The following CFAP54 variants were observed in gnomAD, a reference collection of about 807,000 sequenced individuals.
The protein encoded by CFAP54 is cilia and flagella associated protein 54.
CFAP54 carries 290 observed loss-of-function variants against 370.4 expected under a neutral mutation model. That is an observed-to-expected ratio of 0.78 (90% CI 0.71 to 0.86). The LOEUF (loss-of-function observed/expected upper bound fraction) is 0.86. Ranked by LOEUF, CFAP54 falls within the 40% of genes least tolerant of loss-of-function variation. CFAP54 has a pLI of 0.00. For synonymous variants in CFAP54, 1,206 were observed against 1,236.5 expected (o/e 0.98, Z 0.52); for missense variants, 3,399 against 3,528.7 (o/e 0.96, Z 0.93).
In CFAP54 at chr12:96,765,170, G is replaced by T; in HGVS notation, c.8233G>T (p.Glu2745Ter). 6.5e-7 allele frequency: 1 copy of T among 1,542,240 alleles called. No individual in the cohort carries two copies. Among genetic ancestry groups the T allele is most frequent in the Non-Finnish European group, 8.8e-7 (1 of 1,131,578 alleles). ...VNQVALPNIPEFAALDLLSSY... is the reference protein window; with the variant it reads ...VNQVALPNIP ...CCAAGTGGCATTACCAAATATCCCA[G>T]AATTTGCTGCTCTGGATCTTTTGTC... Residue 2745 changes from glutamate to a stop codon, truncating the protein, a stop_gained, in exon 60 of 68, where the codon GAA becomes TAA. Coordinates refer to ENST00000524981, the MANE Select transcript of CFAP54 (RefSeq NM_001306084.2). LOFTEE classifies it high-confidence loss of function.
rs896533030 is a variant in CFAP54, at chr12:96,764,333, G to A, written c.8139+84G>A. 13 of 1,044,012 alleles carry A rather than the reference G, an allele frequency of 1.2e-5. No individual in the cohort carries two copies. In the South Asian group the frequency reaches 2.2e-4, roughly 18 times the overall value. 64.7% of individuals were successfully genotyped at this position (1,044,012 alleles called of 1,614,324 possible). On this transcript the variant is annotated intron_variant, in intron 59 of 67. Transcript: ENST00000524981. The stretch of plus-strand genomic sequence containing the variant: ...TAAAGAACACAATATACCTGTAAAA[G>A]AGAAAGGAGTTGGGTGTGATACCTC...
At position 96,563,723 on chromosome 12, in the gene CFAP54, A is replaced by G. The variant is rs141347966; in HGVS notation, c.2411-745A>G. Reference sequence around the variant, plus strand: ...TTAGCACAAATAATTAAAACTCAGTAAAAGGGGTTTATTGTAAGGTTACTA... The same window carrying G: ...TTAGCACAAATAATTAAAACTCAGTGAAAGGGGTTTATTGTAAGGTTACTA... On this transcript the variant is annotated intron_variant, in intron 17 of 67. Transcript: ENST00000524981. 6.2e-4 allele frequency among the ~76,000 whole-genome samples: 94 copies of G among 152,328 alleles called. 2 individuals carry two copies. The highest frequency in any genetic ancestry group is 1.8e-3 in the African/African-American group (76 of 41,584).
At chr12:96,566,913 G>A (rs1042098509) in intron 19 of CFAP54, among the ~76,000 whole-genome samples, 3 of 152,032 alleles carry the variant, frequency 2.0e-5, no homozygotes, top group African/African-American at 4.8e-5. Context: ...CTGCCTTTGT[G>A]GTCCCTGGAT....
chr12:96,596,943 A>G (rs1715891663), intron 25 of CFAP54, among the ~76,000 whole-genome samples: 1 of 152,136 alleles, frequency 6.6e-6, no homozygotes, highest in Non-Finnish European at 1.5e-5. Context: ...ATACTCATAG[A>G]AATTCACATT....
intron 60 of CFAP54, 89 bp from the exon 61 acceptor site, chr12:96,784,628 A>G (rs1958611808): frequency 3.0e-6 from 3 of 997,108 alleles, no homozygotes; most frequent in Non-Finnish European, 4.2e-6. Flanking sequence ...CATTTCCTTT[A>G]TGAGCTGTGC....
At chr12:96,539,674 CA>C (rs572121392) in intron 13 of CFAP54, among the ~76,000 whole-genome samples, 4 of 150,770 alleles carry the variant, frequency 2.7e-5, no homozygotes, top group African/African-American at 9.8e-5. Context: ...AACTCTGTCT[CA>C]AAAAAAATAA....
rs1243429702 is a variant in CFAP54 at position 96,500,745 on chromosome 12, C to T, written c.318-89C>T. 5 of 794,530 alleles carry T rather than the reference C, an allele frequency of 6.3e-6. No homozygotes were observed. The East Asian group carries it at 1.1e-4, about 17-fold the overall frequency. 49.2% of individuals were successfully genotyped at this position (794,530 alleles called of 1,614,324 possible). ...ATAAGGCACATTGGAAAGGCTTTAG[C>T]ATAAGGTAAGTTTTAAAGGATTGCT... On this transcript the variant is annotated intron_variant, in intron 1 of 67. Transcript: ENST00000524981.
At chr12:96,863,854 T>C (rs1959940364) in intron 67 of CFAP54, among the ~76,000 whole-genome samples, 1 of 152,194 alleles carries the variant, frequency 6.6e-6, no homozygotes, top group East Asian at 1.9e-4. Context: ...GCTGTTATTC[T>C]TGAGTGTTGT....
Position 96,626,840 on chromosome 12 carries a change from T to A in CFAP54, c.4004T>A (p.Phe1335Tyr), listed in dbSNP as rs973544636. 2 of 1,404,714 alleles carry A rather than the reference T, an allele frequency of 1.4e-6. No individual in the cohort carries two copies. The highest frequency in any genetic ancestry group is 1.9e-6 in the Non-Finnish European group (2 of 1,064,372). The allele number at this position is 1,404,714 out of a possible 1,614,324, so 87.0% of individuals were successfully genotyped here. The change falls in exon 30 of 68, where the codon TTT becomes TAT. Residue 1335 changes from phenylalanine to tyrosine, a missense_variant. Physicochemically the swap from Phe to Tyr is conservative, Grantham distance 22. This residue lies in a region of CFAP54 where 2,796 missense variants were observed against 2,869.7 expected (regional missense o/e 0.97). Transcript: ENST00000524981. ...EVMKFKQKPRFLEFFTQVMLK... is the reference protein window; with the variant it reads ...EVMKFKQKPRYLEFFTQVMLK... ...ATGAAATTTAAGCAAAAACCAAGAT[T>A]TCTGGAATTCTTTACACAAGTTATG...
intron 26 of CFAP54, among the ~76,000 whole-genome samples, chr12:96,619,603 A>T (rs1276731389): frequency 6.6e-6 from 1 of 152,218 alleles, no homozygotes; most frequent in African/African-American, 2.4e-5. Context: ...TGGTATGTTA[A>T]ATAGAATTGG....
Position 96,554,194 on chromosome 12 carries a change from G to T in CFAP54, c.2167G>T (p.Glu723Ter). ...AAAATTATTTTAGAAAAATCCTGTGGAACAGTTACTTTTTGCTTATAAACT... is the reference window on the plus strand; with the variant it reads ...AAAATTATTTTAGAAAAATCCTGTGTAACAGTTACTTTTTGCTTATAAACT... ...ILPILQKNPV[E>*]QLLFAYKLLD... is the part of the protein sequence containing the mutation. The change falls in exon 16 of 68, where the codon GAA becomes TAA. Residue 723 changes from glutamate (E) to a stop codon, truncating the protein, a stop_gained. Coordinates refer to ENST00000524981, the MANE Select transcript of CFAP54 (RefSeq NM_001306084.2). LOFTEE classifies it high-confidence loss of function. 1.3e-6 allele frequency: 2 copies of T among 1,501,664 alleles called. No individual in the cohort carries two copies. Among genetic ancestry groups the T allele is most frequent in the East Asian group, 2.5e-5 (1 of 39,750 alleles). The allele number at this position is 1,501,664 out of a possible 1,614,324, so 93.0% of individuals were successfully genotyped here.
At chr12:96,617,788 A>C (rs1321449753) in intron 26 of CFAP54, among the ~76,000 whole-genome samples, 1 of 152,134 alleles carries the variant, frequency 6.6e-6, no homozygotes, top group Non-Finnish European at 1.5e-5. Context: ...CAGGAGATCA[A>C]GACCATCCTG....
intron 1 of CFAP54, among the ~76,000 whole-genome samples, chr12:96,497,655 A>G (rs1021835319): frequency 3.7e-4 from 56 of 152,362 alleles, no homozygotes; most frequent in African/African-American, 1.3e-3. Context: ...ACAAGCACCT[A>G]CAACAGCAGA....
intron 56 of CFAP54, 110 bp downstream of exon 56, chr12:96,754,008 C>A: frequency 9.0e-7 from 1 of 1,108,638 alleles, no homozygotes; most frequent in Non-Finnish European, 1.3e-6. Context: ...TACAAACATA[C>A]AAAGGGCTTA....
At chr12:96,631,148 T>G (rs906724003) in intron 32 of CFAP54, among the ~76,000 whole-genome samples, 6 of 151,952 alleles carry the variant, frequency 3.9e-5, no homozygotes, top group Admixed American at 1.3e-4. Context: ...GCATAGATAT[T>G]AATAGAACCA....
chr12:96,568,955 G>C (rs530316071), intron 19 of CFAP54, among the ~76,000 whole-genome samples: 2 of 150,254 alleles, frequency 1.3e-5, no homozygotes, highest in Non-Finnish European at 3.0e-5. Flanking sequence ...TCTTGTCTTG[G>C]TTATTTGACC....
intron 26 of CFAP54, among the ~76,000 whole-genome samples, chr12:96,607,647 C>T (rs1956315048): frequency 6.6e-6 from 1 of 152,140 alleles, no homozygotes; most frequent in African/African-American, 2.4e-5. Flanking sequence ...AATAGGCTTC[C>T]TGAGTCCCAG....
At chr12:96,495,691 C>T (rs2136343403) in intron 1 of CFAP54, among the ~76,000 whole-genome samples, 1 of 152,090 alleles carries the variant, frequency 6.6e-6, no homozygotes, top group African/African-American at 2.4e-5. Flanking sequence ...ACATTTTCTT[C>T]TCAAATGATG....
chr12:96,496,840 A>G (rs961030005), intron 1 of CFAP54, among the ~76,000 whole-genome samples: 1 of 152,220 alleles, frequency 6.6e-6, no homozygotes, highest in African/African-American at 2.4e-5. Flanking sequence ...TGTTAACTAA[A>G]TGAATGAATA....
Sources: allele counts gnomAD v4.1 joint callset (sites outside exome capture counted in the v4.1 genomes callset), GRCh38; gene constraint gnomAD v4.1.1; regional missense constraint gnomAD v4.1.1; transcripts MANE v1.5; gene names NCBI Gene and HGNC (gene_info 2026-07-23, HGNC 2026-07-21).